The following SLC16A2 variants were observed in gnomAD, a reference collection of about 807,000 sequenced individuals.
SLC16A2 encodes solute carrier family 16 member 2, also known as monocarboxylate transporter 8.
SLC16A2 carries 3 observed loss-of-function variants against 27.2 expected under a neutral mutation model. The ratio of observed to expected loss-of-function variants is 0.11; its 90% CI spans 0.05 to 0.28. SLC16A2 has a LOEUF of 0.28. SLC16A2 is among the 10% of genes least tolerant of loss of function. The pLI is 1.00. For synonymous variants in SLC16A2, 202 were observed against 187.8 expected (o/e 1.08, Z -0.62); for missense variants, 295 against 458.5 (o/e 0.64, Z 3.26).
chrX:74,496,941 A>T (rs143051802), intron 1 of SLC16A2, among the ~76,000 whole-genome samples: 49 of 111,580 alleles, frequency 4.4e-4, no homozygotes, highest in African/African-American at 1.4e-3. Flanking sequence ...CTGTTGGTGC[A>T]TTCTTCTGGA....
chrX:74,434,611 C>T (rs1418608033), intron 1 of SLC16A2, among the ~76,000 whole-genome samples: 1 of 110,697 alleles, frequency 9.0e-6, no homozygotes, highest in Non-Finnish European at 1.9e-5. Flanking sequence ...CCTACTCAGC[C>T]CCCACCACCT....
intron 1 of SLC16A2, among the ~76,000 whole-genome samples, chrX:74,499,958 C>T (rs747238674): frequency 4.4e-4 from 49 of 111,024 alleles, no homozygotes; most frequent in Non-Finnish European, 7.7e-4. Flanking sequence ...CCTCACAGGA[C>T]TGGTATCTTA....
rs762037346 is a variant in SLC16A2, at chrX:74,524,676, C to T, written c.893C>T (p.Thr298Ile). 10 of 1,212,040 alleles carry T rather than the reference C, an allele frequency of 8.3e-6. No homozygotes were observed. The Admixed American group carries it at 1.5e-4, about 18-fold the overall frequency. Residue 298 changes from threonine to isoleucine, a missense_variant, in exon 3 of 6, where the codon ACC becomes ATC. Around this residue, in one of 3 missense-constraint regions of SLC16A2, gnomAD observed 144 missense variants for 219.8 expected, o/e 0.66. Transcript: ENST00000587091. Reference protein sequence around the residue: ...QDTPSKRGVRTLHQRFLAQLR... With the variant: ...QDTPSKRGVRILHQRFLAQLR... ...ACCCCAAGCAAGAGAGGTGTCCGCA[C>T]CCTGCACCAGCGCTTTCTGGCTCAG...
intron 1 of SLC16A2, among the ~76,000 whole-genome samples, chrX:74,458,892 C>T (rs1041932682): frequency 1.8e-5 from 2 of 109,943 alleles, no homozygotes; most frequent in African/African-American, 6.6e-5. Context: ...CGTTTGATGC[C>T]CTCCCTTGGT....
intron 1 of SLC16A2, among the ~76,000 whole-genome samples, chrX:74,476,018 A>G (rs1929469675): frequency 9.0e-6 from 1 of 111,321 alleles, no homozygotes; most frequent in African/African-American, 3.3e-5. Flanking sequence ...TTCTGTGAAG[A>G]AAGTCATTGG....
chrX:74,456,552 A>G (rs909876733), intron 1 of SLC16A2, among the ~76,000 whole-genome samples: 2 of 111,501 alleles, frequency 1.8e-5, no homozygotes, highest in African/African-American at 6.5e-5. Flanking sequence ...AACAACCACT[A>G]CTACTACTAC....
rs759185116 is a variant in SLC16A2, at chrX:74,499,367, T to A, written c.431-21623T>A. On this transcript the variant is annotated intron_variant, in intron 1 of 5. Transcript: ENST00000587091. ...AGCCCCACAGAATTCAGTATTCATCTCCTCCTCAATATTCAGAATTGGGAC... is the reference window on the plus strand; with the variant it reads ...AGCCCCACAGAATTCAGTATTCATCACCTCCTCAATATTCAGAATTGGGAC... Among the ~76,000 whole-genome samples the A allele has an allele frequency of 7.3e-5, 8 of 110,342 alleles. No homozygotes were observed. In the East Asian group the frequency reaches 2.3e-3, roughly 32 times the overall value.
intron 1 of SLC16A2, among the ~76,000 whole-genome samples, chrX:74,422,473 T>C (rs1220356081): frequency 1.9e-5 from 2 of 107,668 alleles, no homozygotes; most frequent in African/African-American, 6.8e-5. Flanking sequence ...GAGGAGAGAA[T>C]TGAGAGGCGG....
At chrX:74,441,669 A>G (rs1198656582) in intron 1 of SLC16A2, among the ~76,000 whole-genome samples, 1 of 111,137 alleles carries the variant, frequency 9.0e-6, no homozygotes, top group Admixed American at 9.5e-5. Flanking sequence ...AATATGTTCA[A>G]CTTCCCACCT....
intron 1 of SLC16A2, among the ~76,000 whole-genome samples, chrX:74,457,120 A>C (rs1929053111): frequency 1.8e-5 from 2 of 111,228 alleles, no homozygotes; most frequent in African/African-American, 3.3e-5. Context: ...GGAGCTTAAA[A>C]AAATACTGAT....
At chrX:74,495,525 G>A (rs1364479040) in intron 1 of SLC16A2, among the ~76,000 whole-genome samples, 27 of 109,524 alleles carry the variant, frequency 2.5e-4, no homozygotes, top group Admixed American at 2.5e-3. Flanking sequence ...AACTGATCTG[G>A]CCAGAGAGTC....
chrX:74,429,299 C>T (rs1928485619), intron 1 of SLC16A2, among the ~76,000 whole-genome samples: 1 of 111,210 alleles, frequency 9.0e-6, no homozygotes, highest in South Asian at 3.9e-4. Context: ...GATACCCCGT[C>T]TCTACAAAAA....
intron 2 of SLC16A2, among the ~76,000 whole-genome samples, chrX:74,522,918 C>T (rs900319834): frequency 8.9e-6 from 1 of 111,884 alleles, no homozygotes; most frequent in East Asian, 2.8e-4. Context: ...TGAGTTCCTC[C>T]GAATGACATG....
intron 1 of SLC16A2, among the ~76,000 whole-genome samples, chrX:74,466,565 T>A (rs1205704252): frequency 1.8e-5 from 2 of 112,495 alleles, no homozygotes; most frequent in African/African-American, 6.5e-5. Context: ...CTATATTGTT[T>A]AAGGAGTAAT....
At chrX:74,479,630 CT>C (rs1208785736) in intron 1 of SLC16A2, among the ~76,000 whole-genome samples, 3 of 111,847 alleles carry the variant, frequency 2.7e-5, no homozygotes, top group Non-Finnish European at 5.6e-5. Context: ...TACCTTTGGT[CT>C]TTGATGATGG....
intron 1 of SLC16A2, among the ~76,000 whole-genome samples, chrX:74,439,892 C>A (rs1358686512): frequency 9.0e-6 from 1 of 111,350 alleles, no homozygotes; most frequent in East Asian, 2.8e-4. Flanking sequence ...AAAAGTTACG[C>A]CCACTTTGAG....
rs1196565948 is a variant in SLC16A2 at position 74,448,792 on chromosome X, TGA to T, written c.430+26727_430+26728del. On this transcript the variant is annotated intron_variant, in intron 1 of 5. Transcript: ENST00000587091. ...GGTTACCTGAAGCTTGGGCTGGGGC[TGA>T]GTGTTGATCTCAGGGGAATTTGGGC... 6.1e-4 allele frequency among the ~76,000 whole-genome samples: 68 copies of T among 111,670 alleles called. No homozygotes were observed. The Admixed American group carries it at 6.4e-3, about 11-fold the overall frequency.
intron 1 of SLC16A2, among the ~76,000 whole-genome samples, chrX:74,447,078 T>C (rs1370223315): frequency 1.8e-5 from 2 of 112,028 alleles, no homozygotes; most frequent in East Asian, 5.6e-4. Flanking sequence ...AATGACGGAG[T>C]TACTTGTTTG....
chrX:74,439,186 T>TTCTTTCTTTCTTTCTTTC (rs1555981279), intron 1 of SLC16A2, among the ~76,000 whole-genome samples: 4 of 51,480 alleles, frequency 7.8e-5, no homozygotes, highest in East Asian at 6.9e-3. Context: ...CTTTCTTTCT[T>TTCTTTCTTTCTTTCTTTC]TTTCTTTCTT....
Sources: gnomAD v4.1 joint callset for allele counts (sites outside exome capture counted in the v4.1 genomes callset) on GRCh38, gnomAD v4.1.1 for gene constraint, gnomAD v4.1.1 regional missense constraint, MANE v1.5 for transcripts, NCBI Gene and HGNC (gene_info 2026-07-23, HGNC 2026-07-21) for gene names.